Variants in LRRC32 observed in about 807,000 individuals in gnomAD.
LRRC32 encodes the protein leucine rich repeat containing 32.
LRRC32 carries 5 observed loss-of-function variants against 15.0 expected under a neutral mutation model. The observed-to-expected ratio is 0.33, with a 90% CI of 0.17 to 0.70. The LOEUF is 0.70. LRRC32 is among the 30% of genes least tolerant of loss of function. The probability of loss-of-function intolerance (pLI) is 0.66; values close to 1 mark genes in which losing one functional copy is unlikely to be tolerated. For synonymous variants in LRRC32, 391 were observed against 403.9 expected (o/e 0.97, Z 0.38); for missense variants, 803 against 854.2 (o/e 0.94, Z 0.75).
intron 1 of LRRC32, 137 bp downstream of exon 1, chr11:76,670,477 C>G (rs533197713): frequency 2.6e-5 from 4 of 152,244 alleles, no homozygotes; most frequent in African/African-American, 4.8e-5. Flanking sequence ...CCCGGCTCCA[C>G]GCGCGCAGTG....
chr11:76,659,754 C>T lies in LRRC32; in HGVS notation c.1839G>A (p.Val613=). 1 of 1,614,236 alleles carries T rather than the reference C, an allele frequency of 6.2e-7. No homozygotes were observed. The highest frequency in any genetic ancestry group is 8.5e-7 in the Non-Finnish European group (1 of 1,180,040). ...SSQEEVSLSH[V]RPEDCEKGGL... is the part of the protein sequence containing the mutation. ...CCCCCTTCTCACAGTCCTCGGGACG[C>T]ACGTGGCTCAGGGACACCTCCTCCT... The change falls in exon 3 of 3, where the codon GTG becomes GTA. Residue 613 remains valine, a synonymous_variant. Transcript: ENST00000260061.
rs1013122077 is a variant in LRRC32, at chr11:76,659,348, T to C, written c.*256A>G. ...CACAAAATACATGCTCAGTGAAGAT[T>C]TGTTGATCTGACAGGTCAACATTAT... On this transcript the variant is annotated 3_prime_UTR_variant, in exon 3 of 3. Coordinates refer to ENST00000260061, the MANE Select transcript of LRRC32 (RefSeq NM_001128922.2). 2 of 494,204 alleles carry C rather than the reference T, an allele frequency of 4.0e-6. No individual in the cohort carries two copies. The highest frequency in any genetic ancestry group is 3.8e-5 in the African/African-American group (2 of 52,048). 30.6% of individuals were successfully genotyped at this position (494,204 alleles called of 1,614,324 possible).
intron 2 of LRRC32, among the ~76,000 whole-genome samples, chr11:76,661,993 G>A (rs1265829983): frequency 6.6e-6 from 1 of 152,076 alleles, no homozygotes; most frequent in Non-Finnish European, 1.5e-5. Flanking sequence ...CTCCACTTTG[G>A]GAGAAATGTT....
Position 76,665,911 on chromosome 11 carries a change from C to T in LRRC32, c.44G>A (p.Gly15Asp), listed in dbSNP as rs1246136324. ...TTTGTCTTGGTGTTGTGCAGCCAGG[C>T]CTAGGGTCAGCAGGGCCAGGAGCAG... Reference protein sequence around the residue: ...ILLLLALLTLGLAAQHQDKVP... With the variant: ...ILLLLALLTLDLAAQHQDKVP... Residue 15 changes from glycine to aspartate, a missense_variant, in exon 2 of 3, where the codon GGC becomes GAC. Physicochemically the swap from Gly to Asp is moderately conservative, Grantham distance 94. Transcript: ENST00000260061. 3 of 1,613,938 alleles carry T rather than the reference C, an allele frequency of 1.9e-6. No homozygotes were observed. The highest frequency in any genetic ancestry group is 1.3e-5 in the African/African-American group (1 of 74,888).
rs907131421 is a variant in LRRC32, at chr11:76,661,033, T to G, written c.560A>C (p.Asp187Ala). The part of the protein sequence containing the change: ...QLDLHSNVLM[D>A]IEDGAFEGLP... Reference sequence around the variant, plus strand: ...ACCCTCGAAGGCGCCATCCTCGATGTCCATCAGCACGTTGCTATGCAGGTC... The same window carrying G: ...ACCCTCGAAGGCGCCATCCTCGATGGCCATCAGCACGTTGCTATGCAGGTC... The change falls in exon 3 of 3, where the codon GAC (aspartate) becomes GCC (alanine). Residue 187 changes from aspartate to alanine, a missense_variant. By Grantham distance (126) the Asp-to-Ala change is moderately radical. Transcript: ENST00000260061. 6.2e-7 allele frequency: 1 copy of G among 1,614,070 alleles called. No homozygotes were observed. The highest frequency in any genetic ancestry group is 8.5e-7 in the Non-Finnish European group (1 of 1,180,022).
In LRRC32 at chr11:76,659,878, G is replaced by T. The variant is rs1452719130; in HGVS notation, c.1715C>A (p.Pro572Gln). ...CCAGCCATTGCCGCAGCAGCTGAGT[G>T]GATTCCCCTGCAGGTAGAGGCGCCG... ...SLRRLYLQGNPLSCCGNGWLA... is the reference protein window; with the variant it reads ...SLRRLYLQGNQLSCCGNGWLA... Residue 572 changes from proline (P) to glutamine (Q), a missense_variant, in exon 3 of 3, where the codon CCA becomes CAA. Transcript: ENST00000260061. 4 of 1,614,010 alleles carry T rather than the reference G, an allele frequency of 2.5e-6. No individual in the cohort carries two copies. In the South Asian group the frequency reaches 4.4e-5, roughly 18 times the overall value.
rs900269123 is a variant in LRRC32, at chr11:76,657,651, G to A, written c.*1953C>T. ...TGTGTAGTGTTTTCAAAGATCAGGC[G>A]TGGGGACCCACACCTTGGCCTCCAG... On this transcript the variant is annotated 3_prime_UTR_variant, in exon 3 of 3. Transcript: ENST00000260061. 6.5e-6 allele frequency: 1 copy of A among 152,836 alleles called. No homozygotes were observed. The highest frequency in any genetic ancestry group is 1.5e-5 in the Non-Finnish European group (1 of 68,090). 9.5% of individuals were successfully genotyped at this position (152,836 alleles called of 1,614,324 possible).
intron 2 of LRRC32, among the ~76,000 whole-genome samples, chr11:76,664,327 C>A (rs1028611280): frequency 2.6e-5 from 4 of 152,240 alleles, no homozygotes; most frequent in African/African-American, 9.6e-5. Context: ...AAGTCCAGGG[C>A]GGTGCTCAGA....
chr11:76,660,365 C>T lies in LRRC32; in HGVS notation c.1228G>A (p.Ala410Thr). ...DLPPYTFANL[A>T]SLQRLNLQGN... Reference sequence around the variant, plus strand: ...TGCAGGTTGAGCCGCTGCAGGCTGGCCAGATTGGCAAAGGTGTATGGGGGC... The same window carrying T: ...TGCAGGTTGAGCCGCTGCAGGCTGGTCAGATTGGCAAAGGTGTATGGGGGC... Residue 410 changes from alanine to threonine, a missense_variant, in exon 3 of 3, where the codon GCC becomes ACC. By Grantham distance (58) the Ala-to-Thr change is moderately conservative (BLOSUM62 0). Transcript: ENST00000260061. 6.2e-7 allele frequency: 1 copy of T among 1,613,178 alleles called. No homozygotes were observed. The highest frequency in any genetic ancestry group is 8.5e-7 in the Non-Finnish European group (1 of 1,179,722).
intron 1 of LRRC32, among the ~76,000 whole-genome samples, chr11:76,668,113 AG>A (rs1402034796): frequency 3.3e-5 from 5 of 151,272 alleles, no homozygotes; most frequent in African/African-American, 1.2e-4. Context: ...AGCACACAAC[AG>A]GTCAGCAGCG....
At chr11:76,663,743 C>G (rs574869595) in intron 2 of LRRC32, 28 of 152,504 alleles carry the variant, frequency 1.8e-4, no homozygotes, top group Non-Finnish European at 3.5e-4. Flanking sequence ...GCCCTTACCC[C>G]CTGGGGCATT....
chr11:76,660,393 G>C lies in LRRC32; in HGVS notation c.1200C>G (p.Asp400Glu). Residue 400 changes from aspartate to glutamate, a missense_variant, in exon 3 of 3, where the codon GAC becomes GAG. By Grantham distance (45) the Asp-to-Glu change is conservative. Coordinates refer to ENST00000260061, the MANE Select transcript of LRRC32 (RefSeq NM_001128922.2). ...GATTGGCAAAGGTGTATGGGGGCAG[G>C]TCCCGCAGGGCATTGCCCTGTAGGA... ...TLLLQGNALRDLPPYTFANLA... is the reference protein window; with the variant it reads ...TLLLQGNALRELPPYTFANLA... 1 of 1,613,688 alleles carries C rather than the reference G, an allele frequency of 6.2e-7. No individual in the cohort carries two copies. The highest frequency in any genetic ancestry group is 8.5e-7 in the Non-Finnish European group (1 of 1,179,866).
At chr11:76,669,386 T>TGTGTGAGAGA (rs1439284769) in intron 1 of LRRC32, among the ~76,000 whole-genome samples, 3 of 127,850 alleles carry the variant, frequency 2.3e-5, no homozygotes, top group African/African-American at 5.9e-5. Flanking sequence ...TGTGTGTGTG[T>TGTGTGAGAGA]GAGAGAGAGA....
At chr11:76,663,479 G>A (rs988886296) in intron 2 of LRRC32, 1 of 152,260 alleles carries the variant, frequency 6.6e-6, no homozygotes, top group African/African-American at 2.4e-5. Context: ...AGAGCCCCAA[G>A]GTGAGTAGGG....
Position 76,661,374 on chromosome 11 carries a change from T to A in LRRC32, c.219A>T (p.Thr73=). The A allele has an allele frequency of 6.2e-7, 1 of 1,614,096 alleles. No homozygotes were observed. Among genetic ancestry groups the A allele is most frequent in the Non-Finnish European group, 8.5e-7 (1 of 1,180,006 alleles). ...TGCTCAGGTCCAGGTGACGAAGTGCTGTGTAGAAGCCCAGGGGTGAGGCCA... is the reference window on the plus strand; with the variant it reads ...TGCTCAGGTCCAGGTGACGAAGTGCAGTGTAGAAGCCCAGGGGTGAGGCCA... The part of the protein sequence containing the change: ...SILASPLGFY[T]ALRHLDLSTN... The change falls in exon 3 of 3, where the codon ACA becomes ACT. Residue 73 remains threonine, a synonymous_variant. Transcript: ENST00000260061.
chr11:76,669,529 C>G (rs1273283288), intron 1 of LRRC32, among the ~76,000 whole-genome samples: 1 of 151,974 alleles, frequency 6.6e-6, no homozygotes, highest in South Asian at 2.1e-4. Context: ...TCACAATCAC[C>G]TATTGAGGAA....
intron 2 of LRRC32, among the ~76,000 whole-genome samples, chr11:76,664,957 C>T (rs2120087440): frequency 6.6e-6 from 1 of 152,332 alleles, no homozygotes; most frequent in African/African-American, 2.4e-5. Flanking sequence ...CTTCCTGCCT[C>T]CTGAAGCAGC....
chr11:76,665,302 G>A (rs547403633), intron 2 of LRRC32, among the ~76,000 whole-genome samples: 5 of 152,270 alleles, frequency 3.3e-5, no homozygotes, highest in Middle Eastern at 3.4e-3. Context: ...CCTGGGGACC[G>A]CAGGAACCCA....
In LRRC32 at chr11:76,667,117, C is replaced by T. The variant is rs141316603; in HGVS notation, c.-4-1159G>A. On this transcript the variant is annotated intron_variant, in intron 1 of 2. Transcript: ENST00000260061. ...TTTTTGTTGAGAATCAAACGAGATG[C>T]CACCTACAGAGCCTCCATTATGCAG... 4.3e-3 allele frequency among the ~76,000 whole-genome samples: 655 copies of T among 152,358 alleles called. 1 individual carries two copies. The highest frequency in any genetic ancestry group is 7.2e-3 in the Non-Finnish European group (487 of 68,036).
Sources: gnomAD v4.1 joint callset for allele counts (sites outside exome capture counted in the v4.1 genomes callset) on GRCh38, gnomAD v4.1.1 for gene constraint, MANE v1.5 for transcripts, NCBI Gene and HGNC (gene_info 2026-07-23, HGNC 2026-07-21) for gene names.